The following HOXC6 variants were observed in gnomAD, a reference collection of about 807,000 sequenced individuals.
The protein encoded by HOXC6 is homeobox protein Hox-C6.
In HOXC6, 10 loss-of-function variants were observed where a neutral mutation model predicts 24.0. The observed-to-expected ratio is 0.42, with a 90% confidence interval of 0.26 to 0.71. The LOEUF is 0.71. HOXC6 is among the 30% of genes least tolerant of loss of function. The pLI, the probability that HOXC6 is intolerant of heterozygous loss-of-function variation, is 0.28. For synonymous variants in HOXC6, 123 were observed against 128.1 expected (o/e 0.96, Z 0.27); for missense variants, 258 against 303.4 (o/e 0.85, Z 1.11).
At chr12:54,018,473 G>A (rs1479136055) in intron 1 of HOXC6, among the ~76,000 whole-genome samples, 3 of 152,248 alleles carry the variant, frequency 2.0e-5, no homozygotes, top group African/African-American at 7.2e-5. Flanking sequence ...GGGTAGAGGC[G>A]TCAGCCTGGG....
At position 54,029,611 on chromosome 12, in the gene HOXC6, G is replaced by C. The variant is rs748395179; in HGVS notation, c.401-44G>C. 3.2e-6 allele frequency: 5 copies of C among 1,583,352 alleles called. No homozygotes were observed. The Admixed American group carries it at 5.2e-5, about 16-fold the overall frequency. On this transcript the variant is annotated intron_variant, in intron 1 of 1. Transcript: ENST00000243108. ...CTAGGCGAAACAGTCTGCAGAGGACGCTTTGCTGATTGCTTTTAGTGTGTT... is the reference window on the plus strand; with the variant it reads ...CTAGGCGAAACAGTCTGCAGAGGACCCTTTGCTGATTGCTTTTAGTGTGTT...
chr12:54,029,505 G>A (rs532334840), intron 1 of HOXC6, 150 bp from the exon 2 acceptor site: 2 of 711,016 alleles, frequency 2.8e-6, no homozygotes, highest in South Asian at 2.1e-5. Flanking sequence ...CCCAGTGGGG[G>A]TGGGGCAAGG....
upstream of HOXC6, among the ~76,000 whole-genome samples, chr12:54,024,057 G>A (rs375989766): frequency 1.1e-4 from 17 of 152,212 alleles, 1 homozygote; most frequent in South Asian, 2.7e-3. Flanking sequence ...TAGACCAATC[G>A]GGCCAACTGA....
upstream of HOXC6, among the ~76,000 whole-genome samples, chr12:54,026,485 T>G (rs1201472513): frequency 2.0e-5 from 3 of 152,186 alleles, no homozygotes; most frequent in Non-Finnish European, 4.4e-5. Context: ...AATTTAAAAA[T>G]CCTCCTCTAC....
At position 54,030,738 on chromosome 12, in the gene HOXC6, C is replaced by A. The variant is rs1257449851; in HGVS notation, c.*776C>A. On this transcript the variant is annotated 3_prime_UTR_variant, in exon 2 of 2. Coordinates refer to ENST00000243108, the MANE Select transcript of HOXC6 (RefSeq NM_004503.4). ...GGAGAAAATAAATAAATAAATAAAT[C>A]CCTTCGTGTTACCCTCCTGTATAAA... 6.6e-6 allele frequency: 1 copy of A among 152,612 alleles called. No individual in the cohort carries two copies. Among genetic ancestry groups the A allele is most frequent in the African/African-American group, 2.4e-5 (1 of 41,450 alleles). 9.5% of individuals were successfully genotyped at this position (152,612 alleles called of 1,614,324 possible).
Position 54,029,957 on chromosome 12 carries a change from G to C in HOXC6, c.703G>C (p.Glu235Gln). Residue 235 changes from glutamate (E) to glutamine (Q), a missense_variant, in exon 2 of 2, where the codon GAG becomes CAG. Coordinates refer to ENST00000243108, the MANE Select transcript of HOXC6 (RefSeq NM_004503.4). The stretch of plus-strand genomic sequence containing the variant: ...AGAGACAGAAGAGGAGAAGCAGAAA[G>C]AGTGACCAGGACTGTCCCTGCCACC... ...REETEEEKQKE is the reference protein window; with the variant it reads ...REETEEEKQKQ 6.4e-7 allele frequency: 1 copy of C among 1,568,626 alleles called. No individual in the cohort carries two copies.
chr12:54,018,082 C>T (rs1461582077), intron 1 of HOXC6, among the ~76,000 whole-genome samples: 1 of 152,060 alleles, frequency 6.6e-6, no homozygotes, highest in Non-Finnish European at 1.5e-5. Context: ...AGCGTCTGCC[C>T]ACCCCCTGCT....
Position 54,028,501 on chromosome 12 carries a change from C to A in HOXC6, c.-21C>A. On this transcript the variant is annotated 5_prime_UTR_variant, in exon 1 of 2. Coordinates refer to ENST00000243108, the MANE Select transcript of HOXC6 (RefSeq NM_004503.4). ...AATAAATATTAAAGAAATCATAGAC[C>A]GACCAGGTAAAGGCAAAGGGATGAA... 4 of 1,607,694 alleles carry A rather than the reference C, an allele frequency of 2.5e-6. No individual in the cohort carries two copies. Among genetic ancestry groups the A allele is most frequent in the South Asian group, 1.1e-5 (1 of 90,246 alleles).
intron 1 of HOXC6, among the ~76,000 whole-genome samples, chr12:54,018,334 C>T (rs1258339157): frequency 6.6e-6 from 1 of 152,356 alleles, no homozygotes; most frequent in African/African-American, 2.4e-5. Flanking sequence ...TGGGCTAGGA[C>T]CTGCCTCGCC....
rs1940847296 is a variant in HOXC6, at chr12:54,028,747, T to A, written c.226T>A (p.Ser76Thr). ...SRGPYDYGSN[S>T]FYQEKDMLSN... ...GGGGCCGTATGACTATGGATCTAAT[T>A]CCTTTTACCAGGAGAAAGACATGCT... The change falls in exon 1 of 2, where the codon TCC becomes ACC. Residue 76 changes from serine (S) to threonine (T), a missense_variant. Physicochemically the swap from Ser to Thr is moderately conservative, Grantham distance 58 (BLOSUM62 1). Coordinates refer to ENST00000243108, the MANE Select transcript of HOXC6 (RefSeq NM_004503.4). 1 of 1,613,986 alleles carries A rather than the reference T, an allele frequency of 6.2e-7. No homozygotes were observed. The highest frequency in any genetic ancestry group is 8.5e-7 in the Non-Finnish European group (1 of 1,180,000).
chr12:54,028,343 C>T, upstream of HOXC6: 1 of 597,244 alleles, frequency 1.7e-6, no homozygotes, highest in Non-Finnish European at 2.9e-6. Flanking sequence ...GAAGCAGAAG[C>T]GATTTTTTTC....
chr12:54,027,454 T>C (rs1253950690), upstream of HOXC6, among the ~76,000 whole-genome samples: 1 of 152,194 alleles, frequency 6.6e-6, no homozygotes, highest in Non-Finnish European at 1.5e-5. Flanking sequence ...GGCTGGATCC[T>C]ATGTGAATTA....
chr12:54,030,096 A>G lies in HOXC6; in HGVS notation c.*134A>G, dbSNP rs1276684942. ...TCCCTAAAACAAAATTAGGGAGTCA[A>G]ACGTGGACCTGAAAGTCAGCTCTGG... On this transcript the variant is annotated 3_prime_UTR_variant, in exon 2 of 2. Coordinates refer to ENST00000243108, the MANE Select transcript of HOXC6 (RefSeq NM_004503.4). The G allele has an allele frequency of 2.8e-5, 25 of 895,070 alleles. No homozygotes were observed. Among genetic ancestry groups the G allele is most frequent in the Non-Finnish European group, 4.0e-5 (24 of 607,158 alleles). The allele number at this position is 895,070 out of a possible 1,614,324, so 55.4% of individuals were successfully genotyped here. A position where few individuals can be genotyped will look rare whatever the true frequency, so the allele number is the denominator to read the frequency against.
Position 54,029,728 on chromosome 12 carries a change from G to A in HOXC6, c.474G>A (p.Lys158=). The A allele has an allele frequency of 6.2e-7, 1 of 1,614,230 alleles. No individual in the cohort carries two copies. The highest frequency in any genetic ancestry group is 1.1e-5 in the South Asian group (1 of 91,082). The change falls in exon 2 of 2, where the codon AAG becomes AAA. Residue 158 remains lysine (K), a synonymous_variant. Transcript: ENST00000243108. ...GGTACCAGACCCTGGAACTGGAGAA[G>A]GAATTTCACTTCAATCGCTACCTAA... ...YSRYQTLELE[K]EFHFNRYLTR...
rs552604552 is a variant in HOXC6 at position 54,030,764 on chromosome 12, T to C, written c.*802T>C. The C allele has an allele frequency of 6.5e-6, 1 of 152,714 alleles. No homozygotes were observed. Among genetic ancestry groups the C allele is most frequent in the East Asian group, 1.9e-4 (1 of 5,192 alleles). 9.5% of individuals were successfully genotyped at this position (152,714 alleles called of 1,614,324 possible). On this transcript the variant is annotated 3_prime_UTR_variant, in exon 2 of 2. Transcript: ENST00000243108. Reference sequence around the variant, plus strand: ...CCTTCGTGTTACCCTCCTGTATAAATCCAACCTCTGGGTCCGTTCTCGAAT... The same window carrying C: ...CCTTCGTGTTACCCTCCTGTATAAACCCAACCTCTGGGTCCGTTCTCGAAT...
At position 54,029,675 on chromosome 12, in the gene HOXC6, C is replaced by A; in HGVS notation, c.421C>A (p.Arg141=). Residue 141 remains arginine, a synonymous_variant, in exon 2 of 2, where the codon CGG becomes AGG. Coordinates refer to ENST00000243108, the MANE Select transcript of HOXC6 (RefSeq NM_004503.4). ...TTTAGGGGTCGGCTACGGAGCGGAC[C>A]GGAGGCGCGGCCGCCAGATCTACTC... ...SHSGVGYGAD[R]RRGRQIYSRY... 6.2e-7 allele frequency: 1 copy of A among 1,613,522 alleles called. No individual in the cohort carries two copies.
intron 1 of HOXC6, among the ~76,000 whole-genome samples, chr12:54,017,737 CTTA>C (rs1940220273): frequency 6.6e-6 from 1 of 152,092 alleles, no homozygotes; most frequent in Admixed American, 6.5e-5. Context: ...TCAGTACCTG[CTTA>C]TTATAGATCT....
intron 1 of HOXC6, among the ~76,000 whole-genome samples, chr12:54,029,157 G>A (rs1279675494): frequency 6.6e-6 from 1 of 152,188 alleles, no homozygotes; most frequent in Non-Finnish European, 1.5e-5. Context: ...GGCTGAGGGG[G>A]CAGGAACAGG....
rs200694174 is a variant in HOXC6, at chr12:54,028,693, C to G, written c.172C>G (p.Gln58Glu). Residue 58 changes from glutamine to glutamate, a missense_variant, in exon 1 of 2, where the codon CAG becomes GAG. Coordinates refer to ENST00000243108, the MANE Select transcript of HOXC6 (RefSeq NM_004503.4). ...RIYSTPFYSP[Q>E]ENVVFSSSRG... Reference sequence around the variant, plus strand: ...CTACTCGACTCCCTTTTATTCGCCACAGGAGAATGTCGTGTTCAGTTCCAG... The same window carrying G: ...CTACTCGACTCCCTTTTATTCGCCAGAGGAGAATGTCGTGTTCAGTTCCAG... 3.6e-5 allele frequency: 58 copies of G among 1,614,122 alleles called. No individual in the cohort carries two copies. Among genetic ancestry groups the G allele is most frequent in the Non-Finnish European group, 2.5e-6 (3 of 1,180,010 alleles).
Sources: gnomAD v4.1 joint callset for allele counts (sites outside exome capture counted in the v4.1 genomes callset) on GRCh38, gnomAD v4.1.1 for gene constraint, MANE v1.5 for transcripts, NCBI Gene and HGNC (gene_info 2026-07-23, HGNC 2026-07-21) for gene names.